Variants in HGSNAT observed in about 807,000 individuals in gnomAD.
HGSNAT encodes transmembrane protein 76.
A neutral mutation model predicts 85.2 loss-of-function variants in HGSNAT; 59 were observed. The observed-to-expected ratio is 0.69, with a 90% CI of 0.56 to 0.86. The LOEUF is 0.86. Ranked by LOEUF, HGSNAT falls within the 40% of genes least tolerant of loss-of-function variation. The probability of loss-of-function intolerance (pLI) is 0.00; values close to 1 mark genes in which losing one functional copy is unlikely to be tolerated. For synonymous variants in HGSNAT, 321 were observed against 304.5 expected (o/e 1.05, Z -0.56); for missense variants, 756 against 777.1 (o/e 0.97, Z 0.32).
At chr8:43,148,013 TA>T (rs1446538016) in intron 2 of HGSNAT, among the ~76,000 whole-genome samples, 8 of 151,772 alleles carry the variant, frequency 5.3e-5, no homozygotes, top group Non-Finnish European at 1.2e-4. Context: ...GAGACCGAGG[TA>T]GGGGGATCAC....
chr8:43,181,972 G>T, intron 10 of HGSNAT, 173 bp from the exon 11 acceptor site: 1 of 626,336 alleles, frequency 1.6e-6, no homozygotes, highest in Non-Finnish European at 2.8e-6. Flanking sequence ...GTTTTTGGAA[G>T]CTGGGCTGAG....
intron 9 of HGSNAT, among the ~76,000 whole-genome samples, chr8:43,176,977 C>T (rs528727503): frequency 5.3e-5 from 8 of 152,282 alleles, no homozygotes; most frequent in African/African-American, 1.9e-4. Context: ...TATAAGATCA[C>T]GTTATCTGCA....
At chr8:43,180,101 G>A (rs1249003313) in intron 10 of HGSNAT, among the ~76,000 whole-genome samples, 1 of 35,050 alleles carries the variant, frequency 2.9e-5, no homozygotes, top group Non-Finnish European at 7.3e-5. Context: ...GCGGCTGGCC[G>A]ACCCCCCCCC....
At position 43,181,197 on chromosome 8, in the gene HGSNAT, G is replaced by C. The variant is rs1277139454; in HGVS notation, c.1013-948G>C. On this transcript the variant is annotated intron_variant, in intron 10 of 17. Transcript: ENST00000379644. ...AGAGGGAGAGGGAGAGGGAGAGGGA[G>C]AGGGAGAGGGAGAGGGAGAGGGAGA... 8.6e-4 allele frequency among the ~76,000 whole-genome samples: 14 copies of C among 16,252 alleles called. 1 individual carries two copies. Among genetic ancestry groups the C allele is most frequent in the African/African-American group, 3.2e-3 (14 of 4,392 alleles). The allele number at this position is 16,252 out of a possible 152,430, so 10.7% of individuals were successfully genotyped here.
At chr8:43,163,360 C>T (rs1803328815) in intron 5 of HGSNAT, among the ~76,000 whole-genome samples, 2 of 151,956 alleles carry the variant, frequency 1.3e-5, no homozygotes, top group Non-Finnish European at 2.9e-5. Flanking sequence ...CCTCGCTTTC[C>T]AACATACCCA....
rs549022870 is a variant in HGSNAT, at chr8:43,141,143, G to C, written c.118+529G>C. Among the ~76,000 whole-genome samples, 745 of 152,296 alleles carry C rather than the reference G, an allele frequency of 4.9e-3. 4 individuals carry two copies. The highest frequency in any genetic ancestry group is 0.017 in the African/African-American group (715 of 41,578). ...AAGCCTGGGGCCGGGACGCGCGTTCGCCCCGCGCTGGGGTTGAACCTGCGT... is the reference window on the plus strand; with the variant it reads ...AAGCCTGGGGCCGGGACGCGCGTTCCCCCCGCGCTGGGGTTGAACCTGCGT... On this transcript the variant is annotated intron_variant, in intron 1 of 17. Transcript: ENST00000379644.
intron 10 of HGSNAT, among the ~76,000 whole-genome samples, chr8:43,178,594 C>CTTTT (rs58996359): frequency 3.1e-5 from 3 of 96,872 alleles, no homozygotes; most frequent in Middle Eastern, 5.7e-3. Flanking sequence ...CATCAGCTTT[C>CTTTT]TTTTTTTTTT....
intron 14 of HGSNAT, chr8:43,195,860 G>GA (rs1356980199): frequency 6.4e-6 from 1 of 155,990 alleles, no homozygotes; most frequent in South Asian, 1.9e-4. Flanking sequence ...CATATAAGTG[G>GA]ACCTGCGCAG....
intron 5 of HGSNAT, among the ~76,000 whole-genome samples, chr8:43,163,648 C>G (rs1312498671): frequency 6.6e-6 from 1 of 151,944 alleles, no homozygotes; most frequent in African/African-American, 2.4e-5. Context: ...GCCTCAGCCT[C>G]CCAAATAGCT....
intron 14 of HGSNAT, 26 bp downstream of exon 14, chr8:43,193,869 T>G (rs774691861): frequency 1.9e-6 from 3 of 1,607,600 alleles, no homozygotes; most frequent in Non-Finnish European, 2.6e-6. Flanking sequence ...ATTAGGTTAC[T>G]TTTTCTGACA....
intron 10 of HGSNAT, chr8:43,181,859 A>G (rs538339832): frequency 1.9e-5 from 8 of 427,580 alleles, no homozygotes; most frequent in Admixed American, 1.1e-4. Flanking sequence ...CACCTGAGTA[A>G]GACGCTTTGG....
At chr8:43,141,710 T>C (rs183800413) in intron 1 of HGSNAT, among the ~76,000 whole-genome samples, 2 of 152,184 alleles carry the variant, frequency 1.3e-5, no homozygotes, top group African/African-American at 4.8e-5. Flanking sequence ...GTTGTGAATT[T>C]TGGAAAAGCG....
rs1195137127 is a variant in HGSNAT at position 43,202,332 on chromosome 8, T to A, written c.*2763T>A. 6.6e-6 allele frequency: 1 copy of A among 152,354 alleles called. No homozygotes were observed. Among genetic ancestry groups the A allele is most frequent in the Non-Finnish European group, 1.5e-5 (1 of 68,162 alleles). 9.4% of individuals were successfully genotyped at this position (152,354 alleles called of 1,614,324 possible). A position where few individuals can be genotyped will look rare whatever the true frequency, so the allele number is the denominator to read the frequency against. ...GTCCTATCAGCTAGAAGCGCCTCGC[T>A]TGTCCCAAGACCAGCAGGGACAGGG... is the stretch of plus-strand genomic sequence containing the variant. On this transcript the variant is annotated 3_prime_UTR_variant, in exon 18 of 18. Transcript: ENST00000379644.
intron 2 of HGSNAT, among the ~76,000 whole-genome samples, chr8:43,150,622 A>G (rs1411788771): frequency 3.3e-5 from 5 of 152,274 alleles, no homozygotes; most frequent in Admixed American, 1.3e-4. Context: ...TCACAAGGTC[A>G]GGAGATCGAG....
rs1804957087 is a variant in HGSNAT, at chr8:43,202,777, T to C, written c.*3208T>C. On this transcript the variant is annotated 3_prime_UTR_variant, in exon 18 of 18. Coordinates refer to ENST00000379644, the MANE Select transcript of HGSNAT (RefSeq NM_152419.3). Reference sequence around the variant, plus strand: ...GTGAAATTTCAACATGCTGTTACTTTTTCCTTTTAATGTAATTCTGTTTTC... The same window carrying C: ...GTGAAATTTCAACATGCTGTTACTTCTTCCTTTTAATGTAATTCTGTTTTC... 6.6e-6 allele frequency: 1 copy of C among 152,260 alleles called. No individual in the cohort carries two copies. The highest frequency in any genetic ancestry group is 1.5e-5 in the Non-Finnish European group (1 of 68,044). 9.4% of individuals were successfully genotyped at this position (152,260 alleles called of 1,614,324 possible).
rs1292869031 is a variant in HGSNAT, at chr8:43,154,267, A to G, written c.235-4308A>G. The stretch of plus-strand genomic sequence containing the variant: ...GTGCAGGTTTGTTACATATGTATAC[A>G]TGTGCCATGTTGGTGTGCTGCACCC... On this transcript the variant is annotated intron_variant, in intron 2 of 17. Coordinates refer to ENST00000379644, the MANE Select transcript of HGSNAT (RefSeq NM_152419.3). Among the ~76,000 whole-genome samples, 7 of 151,928 alleles carry G rather than the reference A, an allele frequency of 4.6e-5. 1 individual carries two copies. Among genetic ancestry groups the G allele is most frequent in the Non-Finnish European group, 1.0e-4 (7 of 67,994 alleles).
chr8:43,169,305 CTTAT>C, intron 6 of HGSNAT, 63 bp downstream of exon 6: 1 of 1,042,448 alleles, frequency 9.6e-7, no homozygotes, highest in Non-Finnish European at 1.4e-6. Context: ...TTTATAGTTT[CTTAT>C]TTAATCATTA....
chr8:43,195,492 A>AGGAAGAGGAGGAGGAGGAGGAGG (rs1563384585), intron 14 of HGSNAT, among the ~76,000 whole-genome samples: 2 of 149,938 alleles, frequency 1.3e-5, no homozygotes, highest in Admixed American at 1.3e-4. Context: ...GGAGGAGGAG[A>AGGAAGAGGAGGAGGAGGAGGAGG]AGGAAGAGGA....
Position 43,169,208 on chromosome 8 carries a change from T to C in HGSNAT, c.599T>C (p.Ile200Thr). 6.3e-7 allele frequency: 1 copy of C among 1,585,572 alleles called. No homozygotes were observed. The highest frequency in any genetic ancestry group is 8.6e-7 in the Non-Finnish European group (1 of 1,164,362). The change falls in exon 6 of 18, where the codon ATA (isoleucine) becomes ACA (threonine). Residue 200 changes from isoleucine (I) to threonine (T), a missense_variant. Coordinates refer to ENST00000379644, the MANE Select transcript of HGSNAT (RefSeq NM_152419.3). ...TTTAACAATTGGATTTCTAAAGCCA[T>C]AAGTTCTCGAGAAACTGATCGCCTC... ...DDFNNWISKA[I>T]SSRETDRLIN...
Sources: allele counts gnomAD v4.1 joint callset (sites outside exome capture counted in the v4.1 genomes callset), GRCh38; gene constraint gnomAD v4.1.1; transcripts MANE v1.5; gene names NCBI Gene and HGNC (gene_info 2026-07-23, HGNC 2026-07-21).